Variants in TRABD observed in about 807,000 individuals in gnomAD.
The protein encoded by TRABD is traB domain-containing protein.
Under a neutral mutation model 39.6 loss-of-function variants are expected in TRABD, and 23 were observed. The observed-to-expected ratio is 0.58, with a 90% CI of 0.42 to 0.82. TRABD has a LOEUF of 0.82. TRABD is among the 40% of genes least tolerant of loss of function. The pLI is 0.00. For missense variants in TRABD, 487 were observed against 544.9 expected, an observed-to-expected ratio of 0.89 and a Z score of 1.06; for synonymous variants, 243 against 232.1, an observed-to-expected ratio of 1.05 and a Z score of -0.43.
intron 1 of TRABD, among the ~76,000 whole-genome samples, chr22:50,192,614 A>G (rs1310585700): frequency 5.3e-5 from 8 of 152,214 alleles, no homozygotes; most frequent in Admixed American, 5.2e-4. Context: ...GCTTTTGTAC[A>G]AAGGCCCTGG....
At position 50,194,975 on chromosome 22, in the gene TRABD, G is replaced by T; in HGVS notation, c.355G>T (p.Glu119Ter). 6.2e-7 allele frequency: 1 copy of T among 1,612,080 alleles called. No homozygotes were observed. The highest frequency in any genetic ancestry group is 8.5e-7 in the Non-Finnish European group (1 of 1,179,858). ...TCGTGTGTCCATGCTGAAGATGGAC[G>T]AGAGCACGCTGCTGCGGGAGGCCCA... is the stretch of plus-strand genomic sequence containing the variant. The part of the protein sequence containing the change: ...QYRVSMLKMD[E>*]STLLREAQEL... Residue 119 changes from glutamate to a stop codon, truncating the protein, a stop_gained, in exon 5 of 10, where the codon GAG becomes TAG. Transcript: ENST00000380909. LOFTEE classifies it high-confidence loss of function.
intron 7 of TRABD, 31 bp downstream of exon 7, chr22:50,197,619 T>A (rs1458756970): frequency 3.7e-6 from 6 of 1,608,674 alleles, no homozygotes; most frequent in Non-Finnish European, 4.2e-6. Flanking sequence ...CTGGCCGGCC[T>A]GCAGGGTGGT....
intron 1 of TRABD, among the ~76,000 whole-genome samples, chr22:50,191,546 G>A (rs546838254): frequency 6.6e-6 from 1 of 152,312 alleles, no homozygotes; most frequent in Admixed American, 6.5e-5. Flanking sequence ...GAAGTGGGCA[G>A]CAGTAGTGAC....
chr22:50,194,597 CCGTGTGTG>C (rs1260585623), intron 4 of TRABD, 91 bp downstream of exon 4: 1 of 1,520,736 alleles, frequency 6.6e-7, no homozygotes, highest in Non-Finnish European at 8.9e-7. Context: ...GCCCGTGTGC[CCGTGTGTG>C]CGCACCGCAG....
intron 1 of TRABD, among the ~76,000 whole-genome samples, chr22:50,191,118 C>G (rs1020671289): frequency 6.6e-6 from 1 of 152,232 alleles, no homozygotes; most frequent in Admixed American, 6.5e-5. Context: ...CTGACCTCCC[C>G]CGACCATGGC....
At chr22:50,187,412 G>A (rs971941326) in intron 1 of TRABD, among the ~76,000 whole-genome samples, 17 of 152,250 alleles carry the variant, frequency 1.1e-4, no homozygotes, top group Non-Finnish European at 1.5e-5. Context: ...GGAGGTCAAA[G>A]CTCTGGGCCA....
intron 3 of TRABD, 107 bp downstream of exon 3, chr22:50,193,761 C>A: frequency 1.7e-6 from 2 of 1,143,092 alleles, no homozygotes; most frequent in Non-Finnish European, 2.6e-6. Flanking sequence ...TTGTGGTGAG[C>A]AGGGGCCCTG....
Position 50,197,471 on chromosome 22 carries a change from A to G in TRABD, c.554A>G (p.Lys185Arg), listed in dbSNP as rs755850253. Residue 185 changes from lysine (K) to arginine (R), a missense_variant, in exon 7 of 10, where the codon AAG becomes AGG. By Grantham distance (26) the Lys-to-Arg change is conservative (BLOSUM62 2). Coordinates refer to ENST00000380909, the MANE Select transcript of TRABD (RefSeq NM_001320485.2). ...FKEASKVPFC[K>R]FHLGDRPIPV... is the part of the protein sequence containing the mutation. ...CAGGCCAGCAAGGTGCCTTTCTGCAAGTTCCACCTGGGTGACCGACCCATC... is the reference window on the plus strand; with the variant it reads ...CAGGCCAGCAAGGTGCCTTTCTGCAGGTTCCACCTGGGTGACCGACCCATC... The G allele has an allele frequency of 6.2e-7, 1 of 1,613,858 alleles. No individual in the cohort carries two copies. Among genetic ancestry groups the G allele is most frequent in the South Asian group, 1.1e-5 (1 of 91,084 alleles).
chr22:50,186,316 TGGG>T (rs555924091), intron 1 of TRABD, among the ~76,000 whole-genome samples: 1 of 20,296 alleles, frequency 4.9e-5, no homozygotes. Context: ...GGCAGGTCGT[TGGG>T]GGGGCCAGGC....
At chr22:50,188,550 C>T (rs778365889) in intron 1 of TRABD, among the ~76,000 whole-genome samples, 3 of 152,218 alleles carry the variant, frequency 2.0e-5, no homozygotes, top group Non-Finnish European at 4.4e-5. Context: ...GGCGTCCTTA[C>T]CCGGGGGAGC....
At chr22:50,195,461 G>T (rs9617045) in intron 5 of TRABD, among the ~76,000 whole-genome samples, 1 of 151,370 alleles carries the variant, frequency 6.6e-6, no homozygotes, top group East Asian at 1.9e-4. Flanking sequence ...TTGTGTTTTC[G>T]GTTTTTGTTT....
chr22:50,191,210 C>T (rs753297691), intron 1 of TRABD, among the ~76,000 whole-genome samples: 4 of 152,158 alleles, frequency 2.6e-5, no homozygotes, highest in Non-Finnish European at 4.4e-5. Context: ...GGGTGGGCTG[C>T]CCTCTTCTCG....
intron 7 of TRABD, 59 bp from the exon 8 acceptor site, chr22:50,197,764 G>GCGGCCC: frequency 3.9e-6 from 5 of 1,284,786 alleles, no homozygotes; most frequent in South Asian, 1.2e-5. Flanking sequence ...CACAGTGCCA[G>GCGGCCC]CCCCACCCCC....
At chr22:50,193,353 C>T (rs1012582153) in intron 2 of TRABD, among the ~76,000 whole-genome samples, 1 of 152,106 alleles carries the variant, frequency 6.6e-6, no homozygotes, top group African/African-American at 2.4e-5. Flanking sequence ...CTAGGCTCTA[C>T]GGAGGCCCTG....
Position 50,198,922 on chromosome 22 carries a change from AG to A in TRABD, c.*407del. On this transcript the variant is annotated 3_prime_UTR_variant, in exon 10 of 10. Coordinates refer to ENST00000380909, the MANE Select transcript of TRABD (RefSeq NM_001320485.2). The surrounding 1 kb of genome is among the most constrained non-coding windows in gnomAD (Gnocchi z 7.9). The stretch of plus-strand genomic sequence containing the variant: ...GCTCCGGCCACAGGAGCGTCGGCCC[AG>A]GGGCGGCTCCTGGGGGCTCCAGGGC... 1 of 587,052 alleles carries A rather than the reference AG, an allele frequency of 1.7e-6. No homozygotes were observed. The highest frequency in any genetic ancestry group is 2.9e-5 in the East Asian group (1 of 34,484). 36.4% of individuals were successfully genotyped at this position (587,052 alleles called of 1,614,324 possible). A position where few individuals can be genotyped will look rare whatever the true frequency, so the allele number is the denominator to read the frequency against.
chr22:50,194,817 A>AT, intron 4 of TRABD, 83 bp from the exon 5 acceptor site: 1 of 1,541,514 alleles, frequency 6.5e-7, no homozygotes, highest in Non-Finnish European at 8.7e-7. Context: ...TGCTCCTGGG[A>AT]TGGGGCCCCT....
rs140241721 is a variant in TRABD, at chr22:50,198,474, C to T, written c.1086C>T (p.Ala362=). ...CGAGCCTGGTCCTGTCGCTGCCCGC[C>T]GCGCAGTACTGCCTGCAGAGGGTGA... ...RTASLVLSLP[A]AQYCLQRVTE... The change falls in exon 10 of 10, where the codon GCC becomes GCT. Residue 362 remains alanine (A), a synonymous_variant. Transcript: ENST00000380909. This position sits in a 1 kb window ranked among gnomAD's most constrained non-coding sequence, Gnocchi z 7.9. 1.4e-5 allele frequency: 23 copies of T among 1,594,044 alleles called. No homozygotes were observed. The highest frequency in any genetic ancestry group is 1.1e-4 in the African/African-American group (8 of 74,702).
rs6010154 is a variant in TRABD at position 50,193,616 on chromosome 22, C to T, written c.74C>T (p.Pro25Leu). 435 of 1,613,848 alleles carry T rather than the reference C, an allele frequency of 2.7e-4. 2 individuals are homozygous for T. In the African/African-American group the frequency reaches 3.5e-3, roughly 13 times the overall value. Residue 25 changes from proline (P) to leucine (L), a missense_variant, in exon 3 of 10, where the codon CCG (proline) becomes CTG (leucine). By Grantham distance (98) the Pro-to-Leu change is moderately conservative. Coordinates refer to ENST00000380909, the MANE Select transcript of TRABD (RefSeq NM_001320485.2). ...GTTGTGCCGTCAGAGGCTTCAGAGC[C>T]GGTGCCCAGGGTGCTTTCTGGAGAC... is the stretch of plus-strand genomic sequence containing the variant. ...EPVVPSEASE[P>L]VPRVLSGDPQ...
chr22:50,188,474 A>C (rs554808443), intron 1 of TRABD, among the ~76,000 whole-genome samples: 1 of 152,174 alleles, frequency 6.6e-6, no homozygotes, highest in Non-Finnish European at 1.5e-5. Flanking sequence ...GGGGCCGGAC[A>C]TCCCAGATCA....
Sources: gnomAD v4.1 joint callset for allele counts (sites outside exome capture counted in the v4.1 genomes callset) on GRCh38, gnomAD v4.1.1 for gene constraint, Gnocchi (gnomAD v3.1) non-coding constraint, MANE v1.5 for transcripts, NCBI Gene and HGNC (gene_info 2026-07-23, HGNC 2026-07-21) for gene names.